CDC7: variants seen among roughly 807,000 people sequenced by gnomAD.
CDC7 encodes the protein cell division cycle 7, also known as cell division cycle 7-related protein kinase.
Under a neutral mutation model 53.5 loss-of-function variants are expected in CDC7, and 34 were observed. The observed-to-expected ratio is 0.64, with a 90% CI of 0.48 to 0.85. The LOEUF (loss-of-function observed/expected upper bound fraction) is 0.85, where lower values mean the gene tolerates loss of function less well. CDC7 is among the 40% of genes least tolerant of loss of function. The pLI is 0.00. For missense variants in CDC7, 594 were observed against 679.7 expected, an observed-to-expected ratio of 0.87 and a Z score of 1.40; for synonymous variants, 211 against 222.8, an observed-to-expected ratio of 0.95 and a Z score of 0.47.
chr1:91,524,237 A>G lies in CDC7; in HGVS notation c.1527A>G (p.Ser509=). The G allele has an allele frequency of 2.5e-6, 4 of 1,613,872 alleles. No individual in the cohort carries two copies. The highest frequency in any genetic ancestry group is 3.4e-6 in the Non-Finnish European group (4 of 1,179,782). ...TTCAAACACCTCCAGGACAATACTC[A>G]GGGAATTCATTTAAAAAGGGGGATA... ...CLVQTPPGQY[S]GNSFKKGDSN... is the part of the protein sequence containing the mutation. The change falls in exon 12 of 12, where the codon TCA becomes TCG. Residue 509 remains serine, a synonymous_variant. Coordinates refer to ENST00000234626, the MANE Select transcript of CDC7 (RefSeq NM_003503.4).
intron 3 of CDC7, 35 bp downstream of exon 3, chr1:91,507,972 G>A: frequency 1.3e-6 from 2 of 1,515,656 alleles, no homozygotes; most frequent in Admixed American, 2.4e-5. Context: ...ATTTTTACGA[G>A]GTCTTTTTTC....
chr1:91,520,388 A>T, intron 11 of CDC7, 109 bp downstream of exon 11: 1 of 904,336 alleles, frequency 1.1e-6, no homozygotes, highest in Non-Finnish European at 1.6e-6. Flanking sequence ...TTCAGTCTTG[A>T]TAAAGTTCTC....
chr1:91,514,045 T>TCAAAGACTGTGGATGTACTGTCTAGA lies in CDC7; in HGVS notation c.918+2_918+3insCAAAGACTGTGGATGTACTGTCTAGA. The TCAAAGACTGTGGATGTACTGTCTAGA allele has an allele frequency of 1.3e-6, 2 of 1,582,392 alleles. No individual in the cohort carries two copies. The highest frequency in any genetic ancestry group is 1.7e-6 in the Non-Finnish European group (2 of 1,151,848). On this transcript the variant is annotated splice_region_variant and intron_variant, in intron 8 of 11. Coordinates refer to ENST00000234626, the MANE Select transcript of CDC7 (RefSeq NM_003503.4). ...TCACATGAGAGCCCTGCAGTGAAAG[T>TCAAAGACTGTGGATGTACTGTCTAGA]AAGTAATGTAGCTTAATAGCATAAT...
intron 2 of CDC7, among the ~76,000 whole-genome samples, chr1:91,503,649 A>G (rs868318044): frequency 6.6e-6 from 1 of 152,304 alleles, no homozygotes; most frequent in Non-Finnish European, 1.5e-5. Flanking sequence ...ATTTTGAGAT[A>G]TTTGTCAGAT....
At chr1:91,506,152 G>A (rs751849785) in intron 2 of CDC7, among the ~76,000 whole-genome samples, 6 of 152,034 alleles carry the variant, frequency 3.9e-5, no homozygotes, top group East Asian at 1.9e-4. Flanking sequence ...CTACAGGCCC[G>A]TGTTACAAAG....
Position 91,511,616 on chromosome 1 carries a change from G to A in CDC7, c.355G>A (p.Gly119Arg). 6.2e-7 allele frequency: 1 copy of A among 1,603,404 alleles called. No homozygotes were observed. The highest frequency in any genetic ancestry group is 8.5e-7 in the Non-Finnish European group (1 of 1,171,904). Residue 119 changes from glycine to arginine, a missense_variant, in exon 5 of 12, where the codon GGA (glycine) becomes AGA (arginine). Physicochemically the swap from Gly to Arg is moderately radical, Grantham distance 125. Coordinates refer to ENST00000234626, the MANE Select transcript of CDC7 (RefSeq NM_003503.4). ...CACTAGGGGGCAAGATAATGTCATG[G>A]GAGTTAAATACTGCTTTAGGAAGAA... ...TVAGGQDNVM[G>R]VKYCFRKNDH...
intron 6 of CDC7, among the ~76,000 whole-genome samples, chr1:91,512,726 C>G (rs1667348727): frequency 6.6e-6 from 1 of 151,874 alleles, no homozygotes; most frequent in African/African-American, 2.4e-5. Flanking sequence ...GCTTTCTTAA[C>G]TAGAAATTAT....
Position 91,514,805 on chromosome 1 carries a change from CT to C in CDC7, c.919-10del, listed in dbSNP as rs759132437. 1.2e-5 allele frequency: 19 copies of C among 1,542,604 alleles called. No homozygotes were observed. Among genetic ancestry groups the C allele is most frequent in the Non-Finnish European group, 1.2e-5 (14 of 1,144,942 alleles). The stretch of plus-strand genomic sequence containing the variant: ...ATATCATGAAAATAGAAAAATGAGA[CT>C]TTTCTTTTACAGCTCATGAAGCAGT... On this transcript the variant is annotated splice_polypyrimidine_tract_variant and intron_variant, in intron 8 of 11. Coordinates refer to ENST00000234626, the MANE Select transcript of CDC7 (RefSeq NM_003503.4).
In CDC7 at chr1:91,508,357, A is replaced by G. The variant is rs13447492; in HGVS notation, c.295A>G (p.Ile99Val). 7 of 1,612,398 alleles carry G rather than the reference A, an allele frequency of 4.3e-6. No individual in the cohort carries two copies. Among genetic ancestry groups the G allele is most frequent in the Middle Eastern group, 1.7e-4 (1 of 6,052 alleles). The change falls in exon 4 of 12, where the codon ATA (isoleucine) becomes GTA (valine). Residue 99 changes from isoleucine (I) to valine (V), a missense_variant. Physicochemically the swap from Ile to Val is conservative, Grantham distance 29 (BLOSUM62 3). Coordinates refer to ENST00000234626, the MANE Select transcript of CDC7 (RefSeq NM_003503.4). ...ACACTTGATTCCAACAAGTCATCCT[A>G]TAAGAATTGCAGCTGAACTTCAGTG... ...LKHLIPTSHP[I>V]RIAAELQCLT...
chr1:91,515,812 T>C lies in CDC7; in HGVS notation c.1116T>C (p.Pro372=). ...ICLSRRQQVA[P]RAGTPGFRAP... ...TCATAAGGCGTCAGCAGGTTGCCCC[T>C]AGGGCAGGTACACCAGGATTCAGAG... The change falls in exon 10 of 12, where the codon CCT becomes CCC. Residue 372 remains proline (P), a synonymous_variant. Coordinates refer to ENST00000234626, the MANE Select transcript of CDC7 (RefSeq NM_003503.4). 6.2e-7 allele frequency: 1 copy of C among 1,613,696 alleles called. No homozygotes were observed. The highest frequency in any genetic ancestry group is 8.5e-7 in the Non-Finnish European group (1 of 1,179,744).
rs770233306 is a variant in CDC7, at chr1:91,513,317, CTT to C, written c.822+13_822+14del. The C allele has an allele frequency of 1.4e-5, 22 of 1,607,988 alleles. No individual in the cohort carries two copies. The African/African-American group carries it at 2.4e-4, about 18-fold the overall frequency. On this transcript the variant is annotated intron_variant, in intron 7 of 11. Transcript: ENST00000234626. The stretch of plus-strand genomic sequence containing the variant: ...AGGAAAAGACGGAAAGGTTCTATCT[CTT>C]TTATTTCTTAAGTACCGACACTGTT...
chr1:91,504,612 C>T lies in CDC7; in HGVS notation c.115+2781C>T, dbSNP rs13447475. On this transcript the variant is annotated intron_variant, in intron 2 of 11. Coordinates refer to ENST00000234626, the MANE Select transcript of CDC7 (RefSeq NM_003503.4). ...TGCTTCTAAAATGGGCTATGGGTAC[C>T]ATCTTTGTTTGCCTGGGACAGATCT... is the stretch of plus-strand genomic sequence containing the variant. Among the ~76,000 whole-genome samples, 63 of 152,254 alleles carry T rather than the reference C, an allele frequency of 4.1e-4. 1 individual carries two copies. The South Asian group carries it at 0.013, about 32-fold the overall frequency.
chr1:91,504,902 A>G (rs565909761), intron 2 of CDC7, among the ~76,000 whole-genome samples: 1 of 152,362 alleles, frequency 6.6e-6, no homozygotes, highest in East Asian at 1.9e-4. Flanking sequence ...GGATAAATCA[A>G]ACCATAAAAC....
chr1:91,510,599 A>G (rs1667236149), intron 4 of CDC7, among the ~76,000 whole-genome samples: 1 of 152,110 alleles, frequency 6.6e-6, no homozygotes, highest in South Asian at 2.1e-4. Context: ...AAATATGATC[A>G]TTTCTTTTTC....
chr1:91,505,461 G>A (rs1168125002), intron 2 of CDC7, among the ~76,000 whole-genome samples: 1 of 152,198 alleles, frequency 6.6e-6, no homozygotes, highest in African/African-American at 2.4e-5. Context: ...CTGGCAAGGA[G>A]TGTAGTTAAG....
chr1:91,508,424 G>T lies in CDC7; in HGVS notation c.335+27G>T. 4 of 1,564,720 alleles carry T rather than the reference G, an allele frequency of 2.6e-6. No individual in the cohort carries two copies. In the South Asian group the frequency reaches 3.4e-5, roughly 13 times the overall value. On this transcript the variant is annotated intron_variant, in intron 4 of 11. Coordinates refer to ENST00000234626, the MANE Select transcript of CDC7 (RefSeq NM_003503.4). Reference sequence around the variant, plus strand: ...TAGGCAATTTAAACATATTTTAATTGAACTTGTATATAATTTATAAGATTT... The same window carrying T: ...TAGGCAATTTAAACATATTTTAATTTAACTTGTATATAATTTATAAGATTT...
Position 91,524,651 on chromosome 1 carries a change from T to C in CDC7, c.*216T>C. ...AACATGATCTTCTTTGAGTTAAACC[T>C]ACCTAAGTAGATTTTAGGTGGGTTC... On this transcript the variant is annotated 3_prime_UTR_variant, in exon 12 of 12. Coordinates refer to ENST00000234626, the MANE Select transcript of CDC7 (RefSeq NM_003503.4). 2.1e-6 allele frequency: 1 copy of C among 467,444 alleles called. No individual in the cohort carries two copies. Among genetic ancestry groups the C allele is most frequent in the Non-Finnish European group, 3.7e-6 (1 of 268,656 alleles). 29.0% of individuals were successfully genotyped at this position (467,444 alleles called of 1,614,324 possible).
At chr1:91,518,857 C>G (rs371360617) in intron 10 of CDC7, among the ~76,000 whole-genome samples, 1 of 151,904 alleles carries the variant, frequency 6.6e-6, no homozygotes, top group Non-Finnish European at 1.5e-5. Context: ...CTCAGGCACT[C>G]GAGACCAGCT....
chr1:91,504,926 G>C (rs1299975377), intron 2 of CDC7, among the ~76,000 whole-genome samples: 1 of 152,174 alleles, frequency 6.6e-6, no homozygotes, highest in Admixed American at 6.5e-5. Context: ...AATTAACACT[G>C]TGGTAGTTAG....
Sources: allele counts gnomAD v4.1 joint callset (sites outside exome capture counted in the v4.1 genomes callset), GRCh38; gene constraint gnomAD v4.1.1; transcripts MANE v1.5; gene names NCBI Gene and HGNC (gene_info 2026-07-23, HGNC 2026-07-21).